Variants in COL22A1 observed in about 807,000 individuals in gnomAD.
COL22A1 encodes the protein collagen type XXII alpha 1 chain.
In COL22A1, 221 loss-of-function variants were observed where a neutral mutation model predicts 248.9. The observed-to-expected ratio is 0.89, with a 90% CI of 0.80 to 0.99. The LOEUF (loss-of-function observed/expected upper bound fraction) is 0.99. Among genes scored for constraint, COL22A1 ranks in the 50% least tolerant of loss-of-function variants. The pLI, the probability that COL22A1 is intolerant of heterozygous loss-of-function variation, is 0.00. For synonymous variants in COL22A1, 891 were observed against 793.4 expected (o/e 1.12, Z -2.07); for missense variants, 2,240 against 2,179.0 (o/e 1.03, Z -0.56).
Position 138,853,629 on chromosome 8 carries a change from C to G in COL22A1, c.659-9471G>C, listed in dbSNP as rs540207718. On this transcript the variant is annotated intron_variant, in intron 3 of 64. Transcript: ENST00000303045. ...TGGTTCACCTCAAAACCAACAAGCT[C>G]ATTATTCCAAGGAGCTCAACAGTGT... is the stretch of plus-strand genomic sequence containing the variant. Among the ~76,000 whole-genome samples the G allele has an allele frequency of 3.3e-5, 5 of 152,262 alleles. No individual in the cohort carries two copies. The South Asian group carries it at 1.0e-3, about 32-fold the overall frequency.
intron 55 of COL22A1, among the ~76,000 whole-genome samples, chr8:138,614,587 G>A (rs566928808): frequency 2.0e-5 from 3 of 152,316 alleles, no homozygotes; most frequent in Non-Finnish European, 4.4e-5. Context: ...CCTATGTACT[G>A]GGCGAGCTGA....
chr8:138,690,195 TA>T (rs1268361923), intron 36 of COL22A1, among the ~76,000 whole-genome samples: 1 of 152,236 alleles, frequency 6.6e-6, no homozygotes, highest in Admixed American at 6.5e-5. Context: ...AAATCTATTG[TA>T]GGGGAAAAAC....
intron 3 of COL22A1, among the ~76,000 whole-genome samples, chr8:138,845,813 T>C (rs771867678): frequency 1.1e-3 from 168 of 152,278 alleles, no homozygotes; most frequent in Non-Finnish European, 1.6e-3. Context: ...GGAGGTTCTG[T>C]ATTCTCATAA....
intron 3 of COL22A1, among the ~76,000 whole-genome samples, chr8:138,857,012 G>C (rs1467001262): frequency 2.0e-5 from 3 of 151,898 alleles, no homozygotes; most frequent in Admixed American, 2.0e-4. Context: ...TCTTTCTTTG[G>C]GGAAAGGCCG....
intron 3 of COL22A1, among the ~76,000 whole-genome samples, chr8:138,857,557 A>C (rs1487446886): frequency 6.6e-6 from 1 of 152,084 alleles, no homozygotes; most frequent in African/African-American, 2.4e-5. Context: ...TCTGCCCACC[A>C]TGTCCAGGCC....
At chr8:138,819,966 T>C (rs980009435) in intron 7 of COL22A1, among the ~76,000 whole-genome samples, 2 of 152,082 alleles carry the variant, frequency 1.3e-5, no homozygotes, top group African/African-American at 4.8e-5. Flanking sequence ...TGCATGGAGA[T>C]GTACCCCCCT....
chr8:138,716,035 T>C (rs1829404582), intron 29 of COL22A1, among the ~76,000 whole-genome samples, 192 bp downstream of exon 29: 1 of 152,152 alleles, frequency 6.6e-6, no homozygotes, highest in African/African-American at 2.4e-5. Flanking sequence ...CTCCCAGCAA[T>C]GGTCCTTTGT....
intron 15 of COL22A1, 82 bp from the exon 16 acceptor site, chr8:138,776,092 T>A: frequency 7.1e-7 from 1 of 1,404,288 alleles, no homozygotes; most frequent in Non-Finnish European, 1.0e-6. Flanking sequence ...ATGGAGAAAC[T>A]GCCTGGCAGC....
At chr8:138,609,254 T>C (rs1454119199) in intron 56 of COL22A1, among the ~76,000 whole-genome samples, 1 of 152,244 alleles carries the variant, frequency 6.6e-6, no homozygotes, top group Non-Finnish European at 1.5e-5. Flanking sequence ...CTAAGCCACC[T>C]GCCTGCGAGG....
In COL22A1 at chr8:138,807,771, T is replaced by C; in HGVS notation, c.1491A>G (p.Pro497=). The C allele has an allele frequency of 6.2e-7, 1 of 1,614,038 alleles. No individual in the cohort carries two copies. The highest frequency in any genetic ancestry group is 8.5e-7 in the Non-Finnish European group (1 of 1,179,924). The part of the protein sequence containing the change: ...GVAGPMGLPG[P]KGDIGAIGPV... ...CCTCTGCCATGCCTGTACTGACCTT[T>C]GGACCAGGGAGCCCCATGGGGCCAG... Residue 497 remains proline (P), a synonymous_variant, in exon 10 of 65, where the codon CCA becomes CCG. Transcript: ENST00000303045.
intron 12 of COL22A1, among the ~76,000 whole-genome samples, chr8:138,784,836 C>T (rs1237889222): frequency 6.6e-6 from 1 of 152,090 alleles, no homozygotes; most frequent in South Asian, 2.1e-4. Flanking sequence ...CTAATCTAAT[C>T]AGCTGATTAG....
rs147670444 is a variant in COL22A1 at position 138,700,265 on chromosome 8, G to A, written c.2560-121C>T. The A allele has an allele frequency of 9.8e-4, 853 of 868,572 alleles. 4 individuals carry two copies. The highest frequency in any genetic ancestry group is 2.0e-3 in the Middle Eastern group (9 of 4,578). The allele number at this position is 868,572 out of a possible 1,614,324, so 53.8% of individuals were successfully genotyped here. A position where few individuals can be genotyped will look rare whatever the true frequency, so the allele number is the denominator to read the frequency against. On this transcript the variant is annotated intron_variant, in intron 31 of 64. Coordinates refer to ENST00000303045, the MANE Select transcript of COL22A1 (RefSeq NM_152888.3). ...ATACAGCCCCAAAGCTTCCTGGAAC[G>A]ATTATTAGTTTTGACAATTAGATTC...
chr8:138,796,266 A>G (rs1453896599), intron 12 of COL22A1, among the ~76,000 whole-genome samples: 1 of 152,186 alleles, frequency 6.6e-6, no homozygotes, highest in East Asian at 1.9e-4. Context: ...TGCAACATGC[A>G]TAGCTGGGGA....
intron 23 of COL22A1, among the ~76,000 whole-genome samples, chr8:138,732,320 G>C (rs568066605): frequency 6.6e-6 from 1 of 152,358 alleles, no homozygotes; most frequent in Non-Finnish European, 1.5e-5. Context: ...CTGCGGGCAA[G>C]TCACTCTTCC....
chr8:138,670,490 G>A (rs978094816), intron 41 of COL22A1, among the ~76,000 whole-genome samples: 1 of 152,124 alleles, frequency 6.6e-6, no homozygotes, highest in African/African-American at 2.4e-5. Flanking sequence ...ACAAGATGGG[G>A]GTACTCACAC....
At chr8:138,882,640 TCTCACACTCCCTCACACACTCCCTCAAA>T (rs1391568294) in intron 2 of COL22A1, among the ~76,000 whole-genome samples, 1 of 123,894 alleles carries the variant, frequency 8.1e-6, no homozygotes, top group Non-Finnish European at 1.7e-5. Flanking sequence ...ACTCACACAC[TCTCACACTCCCTCACACACTCCCTCAAA>T]CTCACACTCC....
intron 3 of COL22A1, among the ~76,000 whole-genome samples, chr8:138,875,011 A>G (rs1314309574): frequency 1.3e-5 from 2 of 151,914 alleles, no homozygotes; most frequent in Non-Finnish European, 2.9e-5. Flanking sequence ...TCTAAATAAA[A>G]CCTTCATCAG....
chr8:138,619,531 G>C, intron 52 of COL22A1, 23 bp from the exon 53 acceptor site: 1 of 1,608,876 alleles, frequency 6.2e-7, no homozygotes, highest in Non-Finnish European at 8.5e-7. Context: ...AAGAAAAGAA[G>C]AGTTTGAGGA....
chr8:138,665,472 C>A (rs1824421434), intron 41 of COL22A1, among the ~76,000 whole-genome samples: 1 of 152,256 alleles, frequency 6.6e-6, no homozygotes, highest in Non-Finnish European at 1.5e-5. Flanking sequence ...AAGGAAGCCT[C>A]CTCTGAGAAC....
Sources: allele counts gnomAD v4.1 joint callset (sites outside exome capture counted in the v4.1 genomes callset), GRCh38; gene constraint gnomAD v4.1.1; transcripts MANE v1.5; gene names NCBI Gene and HGNC (gene_info 2026-07-23, HGNC 2026-07-21).